Variants in MEIS2 observed in about 807,000 individuals in gnomAD.
MEIS2 encodes Meis homeobox 2.
In MEIS2, 9 loss-of-function variants were observed where a neutral mutation model predicts 58.6. The observed-to-expected ratio is 0.15, with a 90% confidence interval of 0.09 to 0.27. MEIS2 has a LOEUF of 0.27. MEIS2 is among the 10% of genes least tolerant of loss of function. The pLI is 1.00. For synonymous variants in MEIS2, 221 were observed against 228.4 expected, an observed-to-expected ratio of 0.97 and a Z score of 0.29; for missense variants, 427 against 635.0, an observed-to-expected ratio of 0.67 and a Z score of 3.52.
chr15:36,984,044 C>T lies in MEIS2; in HGVS notation c.901-33644G>A, dbSNP rs575973192. The stretch of plus-strand genomic sequence containing the variant: ...TCTAAAAGTTTCTTGGTGGTGTTTT[C>T]GATATATAAGATCACAAGTTTTGTA... On this transcript the variant is annotated intron_variant, in intron 8 of 11. Transcript: ENST00000561208. Among the ~76,000 whole-genome samples the T allele has an allele frequency of 2.8e-4, 43 of 151,520 alleles. No homozygotes were observed. The South Asian group carries it at 5.5e-3, about 19-fold the overall frequency.
At chr15:36,980,464 T>C (rs1205131005) in intron 8 of MEIS2, among the ~76,000 whole-genome samples, 2 of 152,136 alleles carry the variant, frequency 1.3e-5, no homozygotes, top group Non-Finnish European at 2.9e-5. Flanking sequence ...CTTACATGGA[T>C]GGCAGCAAGC....
chr15:36,950,197 G>C, intron 9 of MEIS2, 127 bp downstream of exon 9: 1 of 798,050 alleles, frequency 1.3e-6, no homozygotes. Flanking sequence ...ACACCTCGAG[G>C]TAGAAACACA....
At chr15:37,086,243 G>A (rs1008094274) in intron 6 of MEIS2, among the ~76,000 whole-genome samples, 2 of 152,082 alleles carry the variant, frequency 1.3e-5, no homozygotes, top group African/African-American at 2.4e-5. Flanking sequence ...ATATGAAGCC[G>A]GAGCAAGTCT....
intron 8 of MEIS2, among the ~76,000 whole-genome samples, chr15:36,980,838 T>G (rs1330916825): frequency 6.6e-6 from 1 of 152,184 alleles, no homozygotes; most frequent in Non-Finnish European, 1.5e-5. Flanking sequence ...ATACTGTCTC[T>G]TCTGTTCCAC....
Position 37,098,000 on chromosome 15 carries a change from T to C in MEIS2, c.212A>G (p.Asp71Gly). 1.9e-6 allele frequency: 3 copies of C among 1,609,446 alleles called. No individual in the cohort carries two copies. Among genetic ancestry groups the C allele is most frequent in the Non-Finnish European group, 2.5e-6 (3 of 1,176,832 alleles). The change falls in exon 2 of 12, where the codon GAC (aspartate) becomes GGC (glycine). Residue 71 changes from aspartate to glycine, a missense_variant. This residue lies in a region of MEIS2 where 103 missense variants were observed against 111.8 expected (regional missense o/e 0.92). Transcript: ENST00000561208. ...CGCGTCCTTGTCCCGCTTCAAGGCG[T>C]CGTTGACAGCGGATCCCATACTGGC... ...MPASMGSAVNDALKRDKDAIY... is the reference protein window; with the variant it reads ...MPASMGSAVNGALKRDKDAIY...
intron 8 of MEIS2, among the ~76,000 whole-genome samples, chr15:37,011,317 A>G (rs994236201): frequency 2.0e-5 from 3 of 152,210 alleles, no homozygotes; most frequent in African/African-American, 7.2e-5. Flanking sequence ...GATGCAGTTG[A>G]ATTATATAAG....
intron 3 of MEIS2, 26 bp from the exon 4 acceptor site, chr15:37,095,640 A>G (rs1670753498): frequency 6.2e-7 from 1 of 1,614,066 alleles, no homozygotes; most frequent in South Asian, 1.1e-5. Flanking sequence ...AGTCAACTTG[A>G]ACGATCACCC....
chr15:37,097,951 CG>C lies in MEIS2; in HGVS notation c.245+15del, dbSNP rs773992322. ...ACACTCACACACAGTAAGCTGGGTC[CG>C]GGGGGTCAGTTTACCCATAGATCGC... On this transcript the variant is annotated intron_variant, in intron 2 of 11. Transcript: ENST00000561208. The C allele has an allele frequency of 5.1e-6, 8 of 1,573,358 alleles. No individual in the cohort carries two copies. The highest frequency in any genetic ancestry group is 6.1e-6 in the Non-Finnish European group (7 of 1,155,380).
chr15:36,929,289 C>G (rs2198025), intron 9 of MEIS2, among the ~76,000 whole-genome samples: 11,053 of 152,228 alleles, frequency 0.073, 905 homozygotes, highest in African/African-American at 0.19. Context: ...GTGGAGGAAC[C>G]AGAAAGGAAA....
intron 9 of MEIS2, among the ~76,000 whole-genome samples, chr15:36,925,140 A>T (rs2057693167): frequency 6.6e-6 from 1 of 152,188 alleles, no homozygotes; most frequent in African/African-American, 2.4e-5. Context: ...AAACAAAAAC[A>T]AAAACAAAAC....
rs1157593774 is a variant in MEIS2 at position 37,036,835 on chromosome 15, T to C, written c.879A>G (p.Ala293=). 1.9e-6 allele frequency: 3 copies of C among 1,613,972 alleles called. No homozygotes were observed. The highest frequency in any genetic ancestry group is 3.3e-5 in the Admixed American group (2 of 60,002). The change falls in exon 8 of 12, where the codon GCA becomes GCG. Residue 293 remains alanine (A), a synonymous_variant. Transcript: ENST00000561208. ...FPKVATNIMR[A]WLFQHLTHPY... ...TTACTGTGAGATGCTGGAAGAGCCA[T>C]GCTCTCATGATATTTGTTGCTACTT...
At chr15:37,055,505 G>A (rs553881970) in intron 7 of MEIS2, among the ~76,000 whole-genome samples, 3 of 151,926 alleles carry the variant, frequency 2.0e-5, no homozygotes, top group East Asian at 1.9e-4. Context: ...AACATTACTC[G>A]ACTTCGGAAA....
intron 9 of MEIS2, among the ~76,000 whole-genome samples, chr15:36,929,714 A>G (rs891096685): frequency 3.3e-5 from 5 of 152,204 alleles, no homozygotes; most frequent in Non-Finnish European, 5.9e-5. Context: ...GCAATGGTAG[A>G]TGCTTAAGGA....
rs1894870388 is a variant in MEIS2, at chr15:37,099,717, C to G, written c.-251G>C. On this transcript the variant is annotated 5_prime_UTR_variant, in exon 1 of 12. Coordinates refer to ENST00000561208, the MANE Select transcript of MEIS2 (RefSeq NM_170675.5). ...CCTCCTCCTCCTGATCTTCCTCCTC[C>G]TCCTCCACCTCCTCCTCCTCCCCCC... 9.0e-6 allele frequency: 4 copies of G among 444,866 alleles called. No individual in the cohort carries two copies. In the South Asian group the frequency reaches 1.7e-4, roughly 19 times the overall value. The allele number at this position is 444,866 out of a possible 1,614,324, so 27.6% of individuals were successfully genotyped here.
chr15:36,950,473 C>T, intron 8 of MEIS2, 73 bp from the exon 9 acceptor site: 3 of 1,382,774 alleles, frequency 2.2e-6, no homozygotes, highest in Non-Finnish European at 3.1e-6. Flanking sequence ...AAGAATAAAA[C>T]CACCGTTGGT....
intron 9 of MEIS2, among the ~76,000 whole-genome samples, chr15:36,924,347 G>C (rs906565662): frequency 6.6e-6 from 1 of 152,172 alleles, no homozygotes; most frequent in Non-Finnish European, 1.5e-5. Flanking sequence ...CTGTGTGCAC[G>C]GCTGAGATCG....
chr15:37,068,101 G>T (rs1890200695), intron 7 of MEIS2, among the ~76,000 whole-genome samples: 1 of 152,146 alleles, frequency 6.6e-6, no homozygotes, highest in Admixed American at 6.6e-5. Context: ...TAGAAATGAG[G>T]AAATTTAGGC....
chr15:37,016,616 GTGTT>G (rs1408254696), intron 8 of MEIS2, among the ~76,000 whole-genome samples: 2 of 152,132 alleles, frequency 1.3e-5, no homozygotes, highest in Non-Finnish European at 2.9e-5. Flanking sequence ...CCCTGGGATT[GTGTT>G]TGACAGAAAG....
chr15:37,020,923 ACCTAT>A lies in MEIS2; in HGVS notation c.900+15886_900+15890del, dbSNP rs527889898. ...GTTGAAACCCCAGCCTCCATATGAT[ACCTAT>A]TTGGAGATAGGGCTTTTAGGAGGTA... On this transcript the variant is annotated intron_variant, in intron 8 of 11. Transcript: ENST00000561208. 4.6e-3 allele frequency among the ~76,000 whole-genome samples: 699 copies of A among 152,170 alleles called. 2 individuals are homozygous for A. Among genetic ancestry groups the A allele is most frequent in the Non-Finnish European group, 7.1e-3 (482 of 68,012 alleles).
Sources: allele counts gnomAD v4.1 joint callset (sites outside exome capture counted in the v4.1 genomes callset), GRCh38; gene constraint gnomAD v4.1.1; regional missense constraint gnomAD v4.1.1; transcripts MANE v1.5; gene names NCBI Gene and HGNC (gene_info 2026-07-23, HGNC 2026-07-21).